Variants in SZT2 observed in about 807,000 individuals in gnomAD.
SZT2 encodes the protein SZT2 subunit of KICSTOR complex, also known as KICSTOR complex protein SZT2.
Under a neutral mutation model 404.2 loss-of-function variants are expected in SZT2, and 216 were observed. That is an observed-to-expected ratio of 0.53 (90% confidence interval 0.48 to 0.60). The LOEUF (loss-of-function observed/expected upper bound fraction) is 0.60, where lower values mean the gene tolerates loss of function less well. Among genes scored for constraint, SZT2 ranks in the 20% least tolerant of loss-of-function variants. The probability of loss-of-function intolerance (pLI) is 0.00; values close to 1 mark genes in which losing one functional copy is unlikely to be tolerated. For missense variants in SZT2, 3,857 were observed against 4,459.2 expected (o/e 0.86, Z 3.85); for synonymous variants, 1,693 against 1,749.9 (o/e 0.97, Z 0.81).
chr1:43,394,446 C>G (rs1399502288), intron 1 of SZT2, among the ~76,000 whole-genome samples: 2 of 152,116 alleles, frequency 1.3e-5, no homozygotes, highest in Non-Finnish European at 2.9e-5. Flanking sequence ...TTCATAAGCA[C>G]TTCAGGTGAT....
At position 43,425,541 on chromosome 1, in the gene SZT2, G is replaced by A; in HGVS notation, c.2713G>A (p.Val905Ile). The A allele has an allele frequency of 3.1e-6, 5 of 1,614,198 alleles. No homozygotes were observed. Among genetic ancestry groups the A allele is most frequent in the Non-Finnish European group, 4.2e-6 (5 of 1,180,036 alleles). Residue 905 changes from valine to isoleucine, a missense_variant, in exon 19 of 72, where the codon GTC (valine) becomes ATC (isoleucine). By Grantham distance (29) the Val-to-Ile change is conservative. Around this residue, in one of 7 missense-constraint regions of SZT2, gnomAD observed 1,725 missense variants for 1,881.0 expected, o/e 0.92. Transcript: ENST00000634258. The surrounding 1 kb of genome is among the most constrained non-coding windows in gnomAD (Gnocchi z 4.3). The stretch of plus-strand genomic sequence containing the variant: ...GGAGGGAGACTCAGAGCTCAATCTG[G>A]TCACTGAGGTGTGGGTGGAGCCACA... Reference protein sequence around the residue: ...ALEGDSELNLVTEVWVEPQYG... With the variant: ...ALEGDSELNLITEVWVEPQYG...
Position 43,447,073 on chromosome 1 carries a change from T to G in SZT2, c.9191T>G (p.Val3064Gly). The G allele has an allele frequency of 6.2e-7, 1 of 1,614,002 alleles. No homozygotes were observed. Among genetic ancestry groups the G allele is most frequent in the Non-Finnish European group, 8.5e-7 (1 of 1,180,016 alleles). ...CAGCACGTGCTAGGTGCCCATCTGG[T>G]GCTGCGGCACGGCTACCACCTCACC... ...VHQHVLGAHL[V>G]LRHGYHLTTF... Residue 3064 changes from valine (V) to glycine (G), a missense_variant, in exon 66 of 72, where the codon GTG becomes GGG. Physicochemically the swap from Val to Gly is moderately radical, Grantham distance 109. Around this residue, in one of 7 missense-constraint regions of SZT2, gnomAD observed 717 missense variants for 868.2 expected, o/e 0.83. Coordinates refer to ENST00000634258, the MANE Select transcript of SZT2 (RefSeq NM_001365999.1).
rs1570664244 is a variant in SZT2, at chr1:43,429,737, C to G, written c.4201C>G (p.Gln1401Glu). Reference protein sequence around the residue: ...ETEDLSEPEFQSTRVPGIPDP... With the variant: ...ETEDLSEPEFESTRVPGIPDP... The stretch of plus-strand genomic sequence containing the variant: ...CGAGGACCTAAGCGAGCCTGAGTTT[C>G]AGAGCACCCGTGTCCCTGGCATTCC... Residue 1401 changes from glutamine (Q) to glutamate (E), a missense_variant, in exon 29 of 72, where the codon CAG becomes GAG. By Grantham distance (29) the Gln-to-Glu change is conservative (BLOSUM62 2). Around this residue, in one of 7 missense-constraint regions of SZT2, gnomAD observed 1,725 missense variants for 1,881.0 expected, o/e 0.92. Coordinates refer to ENST00000634258, the MANE Select transcript of SZT2 (RefSeq NM_001365999.1). 6.2e-7 allele frequency: 1 copy of G among 1,614,194 alleles called. No individual in the cohort carries two copies. The highest frequency in any genetic ancestry group is 8.5e-7 in the Non-Finnish European group (1 of 1,180,040).
Position 43,448,001 on chromosome 1 carries a change from C to T in SZT2, c.9563+30C>T, listed in dbSNP as rs1447601751. The T allele has an allele frequency of 6.2e-7, 1 of 1,613,366 alleles. No homozygotes were observed. The highest frequency in any genetic ancestry group is 1.1e-5 in the South Asian group (1 of 91,056). ...GCAGATCCCCTACCTTGAACATGCC[C>T]ATTTCCCAGCCTGCCCCACCCTGCC... is the stretch of plus-strand genomic sequence containing the variant. On this transcript the variant is annotated intron_variant, in intron 68 of 71. Transcript: ENST00000634258. The surrounding 1 kb of genome is among the most constrained non-coding windows in gnomAD (Gnocchi z 4.2).
intron 1 of SZT2, among the ~76,000 whole-genome samples, chr1:43,397,229 G>A (rs552963635): frequency 6.6e-6 from 1 of 151,994 alleles, no homozygotes; most frequent in African/African-American, 2.4e-5. Flanking sequence ...GTAGAAGTTC[G>A]AGACCAGGCT....
Position 43,448,328 on chromosome 1 carries a change from G to T in SZT2, c.9813G>T (p.Gly3271=). ...RLAQLVRLAG[G]HCRRDTLWKR... ...CTCAGCTGGTGCGGCTGGCTGGAGGGCACTGCCGTCGGGACACCCTTTGGA... is the reference window on the plus strand; with the variant it reads ...CTCAGCTGGTGCGGCTGGCTGGAGGTCACTGCCGTCGGGACACCCTTTGGA... The change falls in exon 69 of 72, where the codon GGG becomes GGT. Residue 3271 remains glycine (G), a synonymous_variant. Transcript: ENST00000634258. This position sits in a 1 kb window ranked among gnomAD's most constrained non-coding sequence, Gnocchi z 4.2. The T allele has an allele frequency of 6.4e-7, 1 of 1,552,814 alleles. No individual in the cohort carries two copies. The highest frequency in any genetic ancestry group is 8.7e-7 in the Non-Finnish European group (1 of 1,148,206).
chr1:43,437,403 C>T lies in SZT2; in HGVS notation c.6188-3C>T. On this transcript the variant is annotated splice_region_variant and splice_polypyrimidine_tract_variant and intron_variant, in intron 43 of 71. Transcript: ENST00000634258. The surrounding 1 kb of genome is among the most constrained non-coding windows in gnomAD (Gnocchi z 5.3). ...GTTTCCTGAGCCCATGTTATTCCCC[C>T]AGCCATCCAGGCCCTGCGCTCTGTG... 2.5e-6 allele frequency: 4 copies of T among 1,614,106 alleles called. No individual in the cohort carries two copies. Among genetic ancestry groups the T allele is most frequent in the Non-Finnish European group, 8.5e-7 (1 of 1,180,004 alleles).
At chr1:43,427,784 G>A in intron 26 of SZT2, 50 bp downstream of exon 26, 1 of 1,590,984 alleles carries the variant, frequency 6.3e-7, no homozygotes, top group Non-Finnish European at 8.6e-7. Context: ...ATGGCTCCCA[G>A]CCAAGAAATA....
rs116159722 is a variant in SZT2 at position 43,430,832 on chromosome 1, C to T, written c.4774+43C>T. 2,106 of 1,589,982 alleles carry T rather than the reference C, an allele frequency of 1.3e-3. 4 individuals are homozygous for T. Among genetic ancestry groups the T allele is most frequent in the East Asian group, 3.5e-3 (156 of 44,690 alleles). On this transcript the variant is annotated intron_variant, in intron 32 of 71. Coordinates refer to ENST00000634258, the MANE Select transcript of SZT2 (RefSeq NM_001365999.1). The stretch of plus-strand genomic sequence containing the variant: ...CGAGGGAAAGCCAAAGGTCCTGGAA[C>T]AGCCTGCCTAAGTGGGAGTGGAGGG...
intron 4 of SZT2, among the ~76,000 whole-genome samples, chr1:43,414,214 A>G (rs1651422495): frequency 6.6e-6 from 1 of 152,042 alleles, no homozygotes; most frequent in Non-Finnish European, 1.5e-5. Flanking sequence ...CGGGAGGCGG[A>G]GGTTGCAGTG....
At chr1:43,432,853 G>T in intron 39 of SZT2, 54 bp downstream of exon 39, 2 of 1,603,698 alleles carry the variant, frequency 1.2e-6, no homozygotes, top group South Asian at 2.2e-5. Flanking sequence ...GTGGGCTTAG[G>T]GCTGTACTGG....
intron 66 of SZT2, 98 bp from the exon 67 acceptor site, chr1:43,447,447 C>G: frequency 6.8e-7 from 1 of 1,476,554 alleles, no homozygotes. Flanking sequence ...ACTCTGCCTG[C>G]CAGTCAGAGC....
In SZT2 at chr1:43,440,472, G is replaced by T. The variant is rs754459485; in HGVS notation, c.7230G>T (p.Ser2410=). The change falls in exon 52 of 72, where the codon TCG becomes TCT. Residue 2410 remains serine (S), a synonymous_variant. Coordinates refer to ENST00000634258, the MANE Select transcript of SZT2 (RefSeq NM_001365999.1). ...DTPTGSLRNG[S]LETKSSAGRA... ...CCACAGGAAGTCTCAGGAACGGATCGTTGGAAACTAAGAGCTCTGCAGGCC... is the reference window on the plus strand; with the variant it reads ...CCACAGGAAGTCTCAGGAACGGATCTTTGGAAACTAAGAGCTCTGCAGGCC... 3 of 1,601,924 alleles carry T rather than the reference G, an allele frequency of 1.9e-6. No individual in the cohort carries two copies. Among genetic ancestry groups the T allele is most frequent in the Admixed American group, 3.5e-5 (2 of 57,738 alleles).
rs139338755 is a variant in SZT2, at chr1:43,452,342, G to A, written c.*1862G>A. 48 of 1,582,996 alleles carry A rather than the reference G, an allele frequency of 3.0e-5. No individual in the cohort carries two copies. The African/African-American group carries it at 5.0e-4, about 16-fold the overall frequency. ...ATCCTGTGGGGAAGATGGACTGGAG[G>A]CCTTGCCTCCCTTGGCTCTCTCTGC... On this transcript the variant is annotated 3_prime_UTR_variant, in exon 72 of 72. Coordinates refer to ENST00000634258, the MANE Select transcript of SZT2 (RefSeq NM_001365999.1).
At chr1:43,409,529 C>T (rs1353648105) in intron 4 of SZT2, 5 of 383,094 alleles carry the variant, frequency 1.3e-5, no homozygotes, top group South Asian at 1.0e-4. Flanking sequence ...CCTAATGGCT[C>T]CACCAAAAAA....
At position 43,425,607 on chromosome 1, in the gene SZT2, C is replaced by T. The variant is rs1326048955; in HGVS notation, c.2779C>T (p.Leu927Phe). The T allele has an allele frequency of 1.2e-6, 2 of 1,614,146 alleles. No homozygotes were observed. The highest frequency in any genetic ancestry group is 2.2e-5 in the East Asian group (1 of 44,878). Reference sequence around the variant, plus strand: ...ACCTGGCCCTGGAATCTGGAAGCACCTCCAGGACCTGACGTATTCTGAGAT... The same window carrying T: ...ACCTGGCCCTGGAATCTGGAAGCACTTCCAGGACCTGACGTATTCTGAGAT... ...VGPGPGIWKH[L>F]QDLTYSEIPQ... The change falls in exon 19 of 72, where the codon CTC (leucine) becomes TTC (phenylalanine). Residue 927 changes from leucine (L) to phenylalanine (F), a missense_variant. By Grantham distance (22) the Leu-to-Phe change is conservative (BLOSUM62 0). This residue lies in a region of SZT2 where 1,725 missense variants were observed against 1,881.0 expected (regional missense o/e 0.92). Transcript: ENST00000634258. The surrounding 1 kb of genome is among the most constrained non-coding windows in gnomAD (Gnocchi z 4.3).
In SZT2 at chr1:43,432,980, C is replaced by T; in HGVS notation, c.5603-9C>T. On this transcript the variant is annotated splice_polypyrimidine_tract_variant and intron_variant, in intron 39 of 71. Transcript: ENST00000634258. Reference sequence around the variant, plus strand: ...CGGATGGGATTGACCTTCAATGCATCTGACACAGGTTATGATGGTGGCAGC... The same window carrying T: ...CGGATGGGATTGACCTTCAATGCATTTGACACAGGTTATGATGGTGGCAGC... The T allele has an allele frequency of 1.2e-6, 2 of 1,613,896 alleles. No homozygotes were observed. The highest frequency in any genetic ancestry group is 1.7e-6 in the Non-Finnish European group (2 of 1,179,962).
In SZT2 at chr1:43,420,062, C is replaced by T. The variant is rs997048136; in HGVS notation, c.1091-91C>T. The T allele has an allele frequency of 6.4e-6, 10 of 1,564,448 alleles. No homozygotes were observed. The African/African-American group carries it at 1.1e-4, about 17-fold the overall frequency. On this transcript the variant is annotated intron_variant, in intron 8 of 71. Transcript: ENST00000634258. This position sits in a 1 kb window ranked among gnomAD's most constrained non-coding sequence, Gnocchi z 5.1. The stretch of plus-strand genomic sequence containing the variant: ...GCTGGCTCTGCTGGCACTGTTACCT[C>T]ACAGTCATTTCAGCATAGCCCCTTC...
rs1290645711 is a variant in SZT2, at chr1:43,442,436, C to G, written c.7975-6C>G. On this transcript the variant is annotated splice_region_variant and splice_polypyrimidine_tract_variant and intron_variant, in intron 57 of 71. Coordinates refer to ENST00000634258, the MANE Select transcript of SZT2 (RefSeq NM_001365999.1). This position sits in a 1 kb window ranked among gnomAD's most constrained non-coding sequence, Gnocchi z 4.5. Reference sequence around the variant, plus strand: ...GATCTCACTGACCCTGACCCCCGACCTCCAGCTACAGCTGCTGACCTACAA... The same window carrying G: ...GATCTCACTGACCCTGACCCCCGACGTCCAGCTACAGCTGCTGACCTACAA... 6.2e-7 allele frequency: 1 copy of G among 1,612,536 alleles called. No homozygotes were observed. Among genetic ancestry groups the G allele is most frequent in the South Asian group, 1.1e-5 (1 of 90,890 alleles).
Sources: gnomAD v4.1 joint callset for allele counts (sites outside exome capture counted in the v4.1 genomes callset) on GRCh38, gnomAD v4.1.1 for gene constraint, gnomAD v4.1.1 regional missense constraint, Gnocchi (gnomAD v3.1) non-coding constraint, MANE v1.5 for transcripts, NCBI Gene and HGNC (gene_info 2026-07-23, HGNC 2026-07-21) for gene names.